SLC1A1: variants seen among roughly 807,000 people sequenced by gnomAD.
SLC1A1 encodes solute carrier family 1 member 1, also known as excitatory amino acid transporter 3.
Under a neutral mutation model 53.3 loss-of-function variants are expected in SLC1A1, and 43 were observed. The observed-to-expected ratio is 0.81, with a 90% CI of 0.63 to 1.04. The LOEUF (loss-of-function observed/expected upper bound fraction) is 1.04. Among genes scored for constraint, SLC1A1 ranks in the 50% least tolerant of loss-of-function variants. The pLI is 0.00. For missense variants in SLC1A1, 748 were observed against 664.9 expected (o/e 1.12, Z -1.37); for synonymous variants, 307 against 243.2 (o/e 1.26, Z -2.44).
At chr9:4,535,745 T>C (rs945296312) in intron 1 of SLC1A1, among the ~76,000 whole-genome samples, 8 of 152,088 alleles carry the variant, frequency 5.3e-5, no homozygotes, top group African/African-American at 1.4e-4. Context: ...GAGCCCACAT[T>C]GCCAAGTCAA....
At chr9:4,569,221 T>G (rs113420927) in intron 6 of SLC1A1, among the ~76,000 whole-genome samples, 1 of 152,208 alleles carries the variant, frequency 6.6e-6, no homozygotes, top group African/African-American at 2.4e-5. Context: ...TCTGCCCAGA[T>G]GTAATTCAGA....
intron 1 of SLC1A1, among the ~76,000 whole-genome samples, chr9:4,523,770 C>T (rs1816165405): frequency 6.6e-6 from 1 of 152,216 alleles, no homozygotes; most frequent in Non-Finnish European, 1.5e-5. Flanking sequence ...AAGTACTTTA[C>T]ATATAGTCTC....
intron 1 of SLC1A1, among the ~76,000 whole-genome samples, chr9:4,516,970 C>G (rs1256117478): frequency 1.3e-5 from 2 of 152,206 alleles, no homozygotes; most frequent in Admixed American, 1.3e-4. Context: ...ATGGAAGAAA[C>G]AGAACTTTGG....
chr9:4,501,135 G>A (rs975405704), intron 1 of SLC1A1, among the ~76,000 whole-genome samples: 3 of 148,204 alleles, frequency 2.0e-5, no homozygotes, highest in African/African-American at 5.3e-5. Flanking sequence ...GCAGATCTCC[G>A]CATGTCTAGG....
intron 1 of SLC1A1, among the ~76,000 whole-genome samples, chr9:4,509,810 A>C (rs1030005029): frequency 6.6e-6 from 1 of 152,130 alleles, no homozygotes; most frequent in Admixed American, 6.5e-5. Flanking sequence ...GAAAAGATAC[A>C]AAGTCTAGGA....
At chr9:4,544,469 C>A in intron 1 of SLC1A1, 98 bp from the exon 2 acceptor site, 1 of 1,023,158 alleles carries the variant, frequency 9.8e-7, no homozygotes, top group South Asian at 1.3e-5. Context: ...TTTTTCTTGC[C>A]ATTAAAATGT....
At chr9:4,507,408 C>G (rs1820842927) in intron 1 of SLC1A1, among the ~76,000 whole-genome samples, 1 of 152,112 alleles carries the variant, frequency 6.6e-6, no homozygotes, top group South Asian at 2.1e-4. Flanking sequence ...ATGAGCTGAT[C>G]CACATGGAGT....
intron 2 of SLC1A1, chr9:4,560,084 A>G (rs993424962): frequency 3.9e-5 from 6 of 152,230 alleles, no homozygotes; most frequent in Non-Finnish European, 8.8e-5. Context: ...TATGATCGTA[A>G]GTCTCTGACA....
intron 1 of SLC1A1, among the ~76,000 whole-genome samples, chr9:4,532,010 G>A (rs1226968549): frequency 6.6e-6 from 1 of 152,134 alleles, no homozygotes; most frequent in Non-Finnish European, 1.5e-5. Flanking sequence ...CCGTTAGAAG[G>A]AAAACTAACA....
intron 7 of SLC1A1, among the ~76,000 whole-genome samples, chr9:4,572,885 G>T (rs773845577): frequency 1.3e-5 from 2 of 152,108 alleles, no homozygotes; most frequent in African/African-American, 4.8e-5. Context: ...ATATTACCCA[G>T]GAGTTAGTTC....
At chr9:4,522,241 T>C (rs1484513149) in intron 1 of SLC1A1, among the ~76,000 whole-genome samples, 3 of 151,668 alleles carry the variant, frequency 2.0e-5, no homozygotes, top group South Asian at 2.1e-4. Context: ...TCTGTAGAGA[T>C]GGGGTTTCAC....
At chr9:4,514,788 C>T (rs1888279) in intron 1 of SLC1A1, among the ~76,000 whole-genome samples, 103,309 of 151,924 alleles carry the variant, frequency 0.68, 35,484 homozygotes, top group African/African-American at 0.76. Flanking sequence ...GCAGAATGAA[C>T]TGGCAGAGAC....
Position 4,583,118 on chromosome 9 carries a change from C to T in SLC1A1, c.1274C>T (p.Ala425Val). The stretch of plus-strand genomic sequence containing the variant: ...GTGACCATGGTGATTGTGCTGAGTG[C>T]CGTGGGCCTGCCCGCCGAGGATGTC... ...GLVTMVIVLS[A>V]VGLPAEDVTL... The change falls in exon 11 of 12, where the codon GCC becomes GTC. Residue 425 changes from alanine (A) to valine (V), a missense_variant. Physicochemically the swap from Ala to Val is moderately conservative, Grantham distance 64. Coordinates refer to ENST00000262352, the MANE Select transcript of SLC1A1 (RefSeq NM_004170.6). This position sits in a 1 kb window ranked among gnomAD's most constrained non-coding sequence, Gnocchi z 4.6. 1 of 1,614,186 alleles carries T rather than the reference C, an allele frequency of 6.2e-7. No individual in the cohort carries two copies.
At chr9:4,581,628 T>A (rs1283143467) in intron 10 of SLC1A1, among the ~76,000 whole-genome samples, 1 of 152,186 alleles carries the variant, frequency 6.6e-6, no homozygotes, top group African/African-American at 2.4e-5. Context: ...GCATTCCATT[T>A]AAATTTTTTT....
At chr9:4,519,523 A>G (rs1815990222) in intron 1 of SLC1A1, among the ~76,000 whole-genome samples, 1 of 152,230 alleles carries the variant, frequency 6.6e-6, no homozygotes, top group Non-Finnish European at 1.5e-5. Flanking sequence ...AATAATTTTG[A>G]AAGCTCTGCT....
chr9:4,503,051 C>A (rs1269410709), intron 1 of SLC1A1, among the ~76,000 whole-genome samples: 1 of 151,770 alleles, frequency 6.6e-6, no homozygotes, highest in Non-Finnish European at 1.5e-5. Context: ...GATTTAATTA[C>A]CACTTTTATG....
chr9:4,561,352 C>G (rs1184546319), intron 2 of SLC1A1, 97 bp from the exon 3 acceptor site: 4 of 807,108 alleles, frequency 5.0e-6, no homozygotes, highest in Non-Finnish European at 6.7e-6. Flanking sequence ...ATGAGAACGC[C>G]TCTCAGCTCT....
At chr9:4,532,162 A>G (rs1261200681) in intron 1 of SLC1A1, among the ~76,000 whole-genome samples, 1 of 152,320 alleles carries the variant, frequency 6.6e-6, no homozygotes, top group East Asian at 1.9e-4. Context: ...TCCTCCTCCA[A>G]AGGAACGCAG....
intron 10 of SLC1A1, 116 bp from the exon 11 acceptor site, chr9:4,582,922 A>G (rs1821234371): frequency 7.4e-7 from 1 of 1,351,778 alleles, no homozygotes; most frequent in African/African-American, 1.4e-5. Context: ...TAACTACCCA[A>G]TTTAGGGACA....
Sources: allele counts gnomAD v4.1 joint callset (sites outside exome capture counted in the v4.1 genomes callset), GRCh38; gene constraint gnomAD v4.1.1; non-coding constraint Gnocchi (gnomAD v3.1); transcripts MANE v1.5; gene names NCBI Gene and HGNC (gene_info 2026-07-23, HGNC 2026-07-21).